The following CHD7 variants were observed in gnomAD, a reference collection of about 807,000 sequenced individuals.
The protein encoded by CHD7 is chromodomain helicase DNA binding protein 7.
In CHD7, 24 loss-of-function variants were observed where a neutral mutation model predicts 307.3. That is an observed-to-expected ratio of 0.08 (90% CI 0.06 to 0.11). The LOEUF is 0.11. CHD7 is among the 10% of genes least tolerant of loss of function. The pLI is 1.00. For missense variants in CHD7, 3,106 were observed against 3,727.1 expected, an observed-to-expected ratio of 0.83 and a Z score of 4.34; for synonymous variants, 1,363 against 1,349.9, an observed-to-expected ratio of 1.01 and a Z score of -0.21.
intron 2 of CHD7, among the ~76,000 whole-genome samples, chr8:60,775,392 AAT>A (rs1810905345): frequency 2.2e-5 from 1 of 44,590 alleles, no homozygotes; most frequent in Non-Finnish European, 1.2e-4. Flanking sequence ...TTGAGAATAA[AAT>A]AAACTCAGCC....
rs756046224 is a variant in CHD7, at chr8:60,865,738, C to T, written c.8799C>T (p.Ser2933=). ...ALAGLQNAVG[S]SEEKAADKAE... is the part of the protein sequence containing the mutation. ...CAGGACTTCAGAATGCCGTGGGCTCCAGCGAAGAAAAGGCTGCTGACAAGG... is the reference window on the plus strand; with the variant it reads ...CAGGACTTCAGAATGCCGTGGGCTCTAGCGAAGAAAAGGCTGCTGACAAGG... Residue 2933 remains serine (S), a synonymous_variant, in exon 38 of 38, where the codon TCC becomes TCT. Transcript: ENST00000423902. This position sits in a 1 kb window ranked among gnomAD's most constrained non-coding sequence, Gnocchi z 4.3. 2 of 1,612,164 alleles carry T rather than the reference C, an allele frequency of 1.2e-6. No homozygotes were observed. The highest frequency in any genetic ancestry group is 1.7e-6 in the Non-Finnish European group (2 of 1,178,868).
At chr8:60,759,452 TCTCTCTCCCTCC>T (rs1280657307) in intron 2 of CHD7, among the ~76,000 whole-genome samples, 2 of 148,916 alleles carry the variant, frequency 1.3e-5, no homozygotes, top group South Asian at 4.2e-4. Context: ...TGTCTCCCTC[TCTCTCTCCCTCC>T]CTCTCTCCCT....
intron 19 of CHD7, among the ~76,000 whole-genome samples, 156 bp downstream of exon 19, chr8:60,838,411 G>T (rs1804833338): frequency 6.6e-6 from 1 of 152,148 alleles, no homozygotes; most frequent in Admixed American, 6.5e-5. Context: ...CTTTCTTTAT[G>T]CTTTGGTTTA....
chr8:60,801,629 G>C, intron 6 of CHD7, 36 bp downstream of exon 6: 1 of 1,332,458 alleles, frequency 7.5e-7, no homozygotes, highest in Non-Finnish European at 1.1e-6. Flanking sequence ...TCTGTGAGGT[G>C]TATGTGACTC....
At chr8:60,739,037 T>C (rs527973752) in intron 1 of CHD7, among the ~76,000 whole-genome samples, 1 of 152,270 alleles carries the variant, frequency 6.6e-6, no homozygotes, top group African/African-American at 2.4e-5. Context: ...TCATCGCCAC[T>C]TCTCCAAGCT....
rs147877689 is a variant in CHD7, at chr8:60,861,770, A to T, written c.7831-426A>T. On this transcript the variant is annotated intron_variant, in intron 35 of 37. Transcript: ENST00000423902. Reference sequence around the variant, plus strand: ...AGCCTAGAGTTCTTGCCACTCAGAAAGTACCCCCACCCCCTACAAGATCTG... The same window carrying T: ...AGCCTAGAGTTCTTGCCACTCAGAATGTACCCCCACCCCCTACAAGATCTG... The T allele has an allele frequency of 4.3e-3, 671 of 155,392 alleles. 5 individuals are homozygous for T. The highest frequency in any genetic ancestry group is 0.016 in the African/African-American group (647 of 41,602). 9.6% of individuals were successfully genotyped at this position (155,392 alleles called of 1,614,324 possible).
intron 28 of CHD7, among the ~76,000 whole-genome samples, chr8:60,851,611 G>A (rs1036358268): frequency 6.6e-6 from 1 of 152,200 alleles, no homozygotes; most frequent in Non-Finnish European, 1.5e-5. Context: ...AGAGCATAGA[G>A]CATTTGCTAA....
intron 21 of CHD7, among the ~76,000 whole-genome samples, chr8:60,842,692 TA>T (rs1266117736): frequency 8.1e-5 from 12 of 148,884 alleles, no homozygotes; most frequent in East Asian, 1.9e-4. Context: ...CAACTCCTGT[TA>T]AAAAAAAAAC....
intron 1 of CHD7, among the ~76,000 whole-genome samples, chr8:60,683,804 G>C (rs773423500): frequency 6.6e-6 from 1 of 152,114 alleles, no homozygotes; most frequent in African/African-American, 2.4e-5. Flanking sequence ...TCTTGCTCAT[G>C]TTCTGACTCA....
chr8:60,852,724 C>A lies in CHD7; in HGVS notation c.6103+18C>A, dbSNP rs1805508375. 6.2e-7 allele frequency: 1 copy of A among 1,613,362 alleles called. No individual in the cohort carries two copies. Among genetic ancestry groups the A allele is most frequent in the East Asian group, 2.2e-5 (1 of 44,864 alleles). ...AGATGATGGTAGGTACATTTAGCAA[C>A]AAAGTTCTATACAAAAAGACGAGTA... is the stretch of plus-strand genomic sequence containing the variant. On this transcript the variant is annotated intron_variant, in intron 30 of 37. Transcript: ENST00000423902.
intron 2 of CHD7, among the ~76,000 whole-genome samples, chr8:60,760,852 A>C (rs1244790868): frequency 1.3e-5 from 2 of 152,200 alleles, no homozygotes; most frequent in African/African-American, 4.8e-5. Flanking sequence ...CAGGTGCTGG[A>C]GAGGATGTGG....
At chr8:60,754,618 G>T (rs761552511) in intron 2 of CHD7, among the ~76,000 whole-genome samples, 3 of 152,090 alleles carry the variant, frequency 2.0e-5, no homozygotes, top group Non-Finnish European at 4.4e-5. Context: ...TGTTTTGTAG[G>T]GGGGAGCAAA....
intron 23 of CHD7, among the ~76,000 whole-genome samples, chr8:60,847,120 T>C (rs1445417909): frequency 6.6e-6 from 1 of 152,184 alleles, no homozygotes; most frequent in African/African-American, 2.4e-5. Context: ...AAATGAGTTA[T>C]CCAAAGTGAG....
Position 60,743,030 on chromosome 8 carries a change from A to G in CHD7, c.1598A>G (p.His533Arg). 1.9e-6 allele frequency: 3 copies of G among 1,613,824 alleles called. No homozygotes were observed. The highest frequency in any genetic ancestry group is 2.5e-6 in the Non-Finnish European group (3 of 1,179,836). Residue 533 changes from histidine (H) to arginine (R), a missense_variant, in exon 2 of 38, where the codon CAT becomes CGT. Around this residue, in one of 10 missense-constraint regions of CHD7, gnomAD observed 998 missense variants for 1,004.5 expected, o/e 0.99. Transcript: ENST00000423902. ...CACCAGTCTTCACCTCCACACCCTC[A>G]TCACCAGCCTTGGGCACAGCTCCAC... The part of the protein sequence containing the change: ...LHHQSSPPHP[H>R]HQPWAQLHPS...
At chr8:60,750,407 A>G (rs945809012) in intron 2 of CHD7, among the ~76,000 whole-genome samples, 4 of 152,202 alleles carry the variant, frequency 2.6e-5, no homozygotes, top group African/African-American at 9.7e-5. Context: ...CGAGGTGGAA[A>G]GGGAATTTTG....
In CHD7 at chr8:60,856,644, C is replaced by T. The variant is rs775377343; in HGVS notation, c.7364C>T (p.Thr2455Ile). 1 of 1,614,026 alleles carries T rather than the reference C, an allele frequency of 6.2e-7. No individual in the cohort carries two copies. The highest frequency in any genetic ancestry group is 8.5e-7 in the Non-Finnish European group (1 of 1,179,890). ...GCCTCAAGAGAGGCAACAAGCTCTACCTCAAATTTTTCATCTCTTTCTTCA... is the reference window on the plus strand; with the variant it reads ...GCCTCAAGAGAGGCAACAAGCTCTATCTCAAATTTTTCATCTCTTTCTTCA... ...SKASREATSS[T>I]SNFSSLSSKF... Residue 2455 changes from threonine to isoleucine, a missense_variant, in exon 34 of 38, where the codon ACC becomes ATC. Around this residue, in one of 10 missense-constraint regions of CHD7, gnomAD observed 1,030 missense variants for 1,165.4 expected, o/e 0.88. Transcript: ENST00000423902.
At chr8:60,715,977 A>G (rs1807578137) in intron 1 of CHD7, among the ~76,000 whole-genome samples, 3 of 152,190 alleles carry the variant, frequency 2.0e-5, no homozygotes, top group Non-Finnish European at 4.4e-5. Flanking sequence ...GTAAAATGAG[A>G]CAGCAGATGT....
At chr8:60,814,305 C>G (rs754206612) in intron 7 of CHD7, among the ~76,000 whole-genome samples, 1 of 152,228 alleles carries the variant, frequency 6.6e-6, no homozygotes, top group Non-Finnish European at 1.5e-5. Context: ...GTGTCCAGTT[C>G]AAGGCTACAC....
chr8:60,801,486 G>A, intron 5 of CHD7, 42 bp from the exon 6 acceptor site: 1 of 1,421,050 alleles, frequency 7.0e-7, no homozygotes, highest in Non-Finnish European at 9.7e-7. Context: ...CTTAGGATGA[G>A]ATGTTTTCTA....
Sources: allele counts gnomAD v4.1 joint callset (sites outside exome capture counted in the v4.1 genomes callset), GRCh38; gene constraint gnomAD v4.1.1; regional missense constraint gnomAD v4.1.1; non-coding constraint Gnocchi (gnomAD v3.1); transcripts MANE v1.5; gene names NCBI Gene and HGNC (gene_info 2026-07-23, HGNC 2026-07-21).